The following IPMK variants were observed in gnomAD, a reference collection of about 807,000 sequenced individuals.
IPMK encodes the protein inositol 1,3,4,6-tetrakisphosphate 5-kinase.
IPMK carries 17 observed loss-of-function variants against 45.8 expected under a neutral mutation model. That is an observed-to-expected ratio of 0.37 (90% CI 0.25 to 0.56). The LOEUF (loss-of-function observed/expected upper bound fraction) is 0.56. Ranked by LOEUF, IPMK falls within the 20% of genes least tolerant of loss-of-function variation. IPMK has a pLI of 0.79. For missense variants in IPMK, 399 were observed against 498.0 expected, an observed-to-expected ratio of 0.80 and a Z score of 1.89; for synonymous variants, 180 against 184.3, an observed-to-expected ratio of 0.98 and a Z score of 0.19.
At chr10:58,244,152 G>T (rs993142375) in intron 1 of IPMK, among the ~76,000 whole-genome samples, 1 of 150,050 alleles carries the variant, frequency 6.7e-6, no homozygotes, top group South Asian at 2.1e-4. Context: ...GAGGTGAGGG[G>T]CGTCTCTGCC....
chr10:58,206,655 T>C (rs1335564228), intron 4 of IPMK, among the ~76,000 whole-genome samples: 1 of 152,208 alleles, frequency 6.6e-6, no homozygotes, highest in Non-Finnish European at 1.5e-5. Context: ...CAATAGCTTT[T>C]GGGGAATAGG....
At chr10:58,225,825 A>G (rs1226949504) in intron 3 of IPMK, among the ~76,000 whole-genome samples, 1 of 152,092 alleles carries the variant, frequency 6.6e-6, no homozygotes, top group Non-Finnish European at 1.5e-5. Flanking sequence ...TTCCACTTAC[A>G]GCAAAGAGGG....
chr10:58,221,680 T>A lies in IPMK; in HGVS notation c.373+5363A>T, dbSNP rs1315677109. Among the ~76,000 whole-genome samples the A allele has an allele frequency of 3.9e-5, 6 of 152,236 alleles. No individual in the cohort carries two copies. In the East Asian group the frequency reaches 1.2e-3, roughly 29 times the overall value. ...CTAAAGTGATCCTCTCGCTGCAGCC[T>A]CCTGAGTAGCTGGGACTACAGGTGC... On this transcript the variant is annotated intron_variant, in intron 3 of 5. Coordinates refer to ENST00000373935, the MANE Select transcript of IPMK (RefSeq NM_152230.5).
At chr10:58,209,084 CA>C (rs1164961551) in intron 4 of IPMK, among the ~76,000 whole-genome samples, 1 of 152,158 alleles carries the variant, frequency 6.6e-6, no homozygotes, top group Non-Finnish European at 1.5e-5. Flanking sequence ...GTTGTTATTC[CA>C]AACAGGGAGT....
chr10:58,225,945 T>A (rs1838408750), intron 3 of IPMK, among the ~76,000 whole-genome samples: 1 of 152,030 alleles, frequency 6.6e-6, no homozygotes, highest in Non-Finnish European at 1.5e-5. Context: ...TTGATCTGAA[T>A]CATAGACAAA....
intron 3 of IPMK, among the ~76,000 whole-genome samples, chr10:58,218,952 C>T (rs370122280): frequency 5.9e-5 from 9 of 152,306 alleles, no homozygotes; most frequent in African/African-American, 2.2e-4. Flanking sequence ...ACTTGGCCTT[C>T]CTCACACTAT....
Position 58,227,030 on chromosome 10 carries a change from A to G in IPMK, c.373+13T>C, listed in dbSNP as rs769778754. The G allele has an allele frequency of 3.8e-6, 6 of 1,564,194 alleles. No homozygotes were observed. The highest frequency in any genetic ancestry group is 5.3e-6 in the Non-Finnish European group (6 of 1,138,676). Reference sequence around the variant, plus strand: ...GAATTAAAACTGAAAGATAATTTTTATGACAAGATTACCGTTTGGTGCAGT... The same window carrying G: ...GAATTAAAACTGAAAGATAATTTTTGTGACAAGATTACCGTTTGGTGCAGT... On this transcript the variant is annotated intron_variant, in intron 3 of 5. Coordinates refer to ENST00000373935, the MANE Select transcript of IPMK (RefSeq NM_152230.5).
intron 3 of IPMK, among the ~76,000 whole-genome samples, chr10:58,218,942 A>G (rs1838289431): frequency 6.6e-6 from 1 of 152,194 alleles, no homozygotes; most frequent in African/African-American, 2.4e-5. Flanking sequence ...GAAACTTTAG[A>G]CTTGGCCTTC....
At chr10:58,232,169 C>G (rs990400451) in intron 2 of IPMK, among the ~76,000 whole-genome samples, 1 of 152,144 alleles carries the variant, frequency 6.6e-6, no homozygotes, top group Non-Finnish European at 1.5e-5. Flanking sequence ...CAGGAGCACC[C>G]AGATTCATAA....
chr10:58,217,649 T>TG (rs1838265601), intron 3 of IPMK, among the ~76,000 whole-genome samples: 2 of 132,576 alleles, frequency 1.5e-5, no homozygotes, highest in African/African-American at 6.2e-5. Flanking sequence ...GATCGCGCCA[T>TG]TGCACTCCAG....
At chr10:58,253,938 C>G (rs1442701577) in intron 1 of IPMK, among the ~76,000 whole-genome samples, 1 of 151,874 alleles carries the variant, frequency 6.6e-6, no homozygotes, top group Admixed American at 6.6e-5. Flanking sequence ...AGATATGTTT[C>G]CTTTCTCTTG....
intron 4 of IPMK, among the ~76,000 whole-genome samples, chr10:58,211,416 C>T (rs1028695219): frequency 6.6e-6 from 1 of 152,020 alleles, no homozygotes; most frequent in Non-Finnish European, 1.5e-5. Flanking sequence ...TGCTCTCGAA[C>T]TCCTTACCTC....
intron 1 of IPMK, among the ~76,000 whole-genome samples, chr10:58,240,249 AT>A (rs1388388543): frequency 6.6e-6 from 1 of 152,300 alleles, no homozygotes; most frequent in South Asian, 2.1e-4. Context: ...AGTATCTGAA[AT>A]AAAAAATTTA....
intron 3 of IPMK, among the ~76,000 whole-genome samples, chr10:58,216,571 C>T (rs574854912): frequency 1.3e-5 from 2 of 151,374 alleles, no homozygotes; most frequent in Admixed American, 6.6e-5. Context: ...ACAGCAGATA[C>T]GAGGTTTCCA....
chr10:58,215,982 A>T (rs2790146), intron 4 of IPMK, among the ~76,000 whole-genome samples, 163 bp downstream of exon 4: 51,376 of 151,848 alleles, frequency 0.34, 10,899 homozygotes, highest in African/African-American at 0.61. Context: ...AAAAAAAAAA[A>T]TTTTTTAATC....
At chr10:58,257,024 C>T (rs546358370) in intron 1 of IPMK, among the ~76,000 whole-genome samples, 2 of 152,274 alleles carry the variant, frequency 1.3e-5, no homozygotes, top group African/African-American at 4.8e-5. Flanking sequence ...CGTGATCACA[C>T]CACCACGCTC....
chr10:58,221,372 T>G (rs1303114905), intron 3 of IPMK, among the ~76,000 whole-genome samples: 1 of 152,098 alleles, frequency 6.6e-6, no homozygotes, highest in Non-Finnish European at 1.5e-5. Context: ...TATTTTTTTT[T>G]TTTTAAATTC....
At chr10:58,210,149 T>C (rs917333229) in intron 4 of IPMK, among the ~76,000 whole-genome samples, 2 of 152,094 alleles carry the variant, frequency 1.3e-5, no homozygotes, top group Admixed American at 1.3e-4. Flanking sequence ...AATGGGATTA[T>C]ATTCCAGAGG....
In IPMK at chr10:58,267,480, G is replaced by A. The variant is rs377693523; in HGVS notation, c.132C>T (p.Asn44=). 5.6e-6 allele frequency: 9 copies of A among 1,613,824 alleles called. No individual in the cohort carries two copies. The highest frequency in any genetic ancestry group is 6.8e-6 in the Non-Finnish European group (8 of 1,179,900). ...CCTGATGCGAGAGGGGCACGCAGCC[G>A]TTGAGGAAGCGGAGTCTGCCGCCCG... ...QPAGGRLRFL[N]GCVPLSHQVA... is the part of the protein sequence containing the mutation. The change falls in exon 1 of 6, where the codon AAC becomes AAT. Residue 44 remains asparagine (N), a synonymous_variant. Coordinates refer to ENST00000373935, the MANE Select transcript of IPMK (RefSeq NM_152230.5).
Sources: gnomAD v4.1 joint callset for allele counts (sites outside exome capture counted in the v4.1 genomes callset) on GRCh38, gnomAD v4.1.1 for gene constraint, MANE v1.5 for transcripts, NCBI Gene and HGNC (gene_info 2026-07-23, HGNC 2026-07-21) for gene names.